The following SLAIN1 variants were observed in gnomAD, a reference collection of about 807,000 sequenced individuals.
SLAIN1 encodes SLAIN motif-containing protein 1.
In SLAIN1, 17 loss-of-function variants were observed where a neutral mutation model predicts 55.4. That is an observed-to-expected ratio of 0.31 (90% CI 0.21 to 0.46). The LOEUF is 0.46. SLAIN1 is among the 20% of genes least tolerant of loss of function. The pLI, the probability that SLAIN1 is intolerant of heterozygous loss-of-function variation, is 1.00. For synonymous variants in SLAIN1, 348 were observed against 337.4 expected, an observed-to-expected ratio of 1.03 and a Z score of -0.35; for missense variants, 682 against 785.1, an observed-to-expected ratio of 0.87 and a Z score of 1.57.
chr13:77,762,848 T>C (rs564534508), intron 6 of SLAIN1, among the ~76,000 whole-genome samples: 4 of 152,246 alleles, frequency 2.6e-5, no homozygotes, highest in Non-Finnish European at 4.4e-5. Flanking sequence ...CAGGATCCTA[T>C]ATTTTTCTTA....
At chr13:77,718,842 G>C (rs1386938537) in intron 1 of SLAIN1, among the ~76,000 whole-genome samples, 2 of 152,072 alleles carry the variant, frequency 1.3e-5, no homozygotes, top group Non-Finnish European at 2.9e-5. Context: ...GCATATTAAT[G>C]AGAGAAGCTT....
chr13:77,718,739 C>G (rs1394413119), intron 1 of SLAIN1, among the ~76,000 whole-genome samples: 2 of 152,016 alleles, frequency 1.3e-5, no homozygotes, highest in African/African-American at 4.8e-5. Context: ...ATTCACCCTC[C>G]CCCCTTTTTT....
Position 77,746,794 on chromosome 13 carries a change from G to A in SLAIN1, c.1197G>A (p.Gln399=), listed in dbSNP as rs1170303033. ...ATTTTCCTTCAAATAATTACCAGCA[G>A]CAACAGTATTATTCACCTCAAGCCC... is the stretch of plus-strand genomic sequence containing the variant. ...SQYFPSNNYQ[Q]QQYYSPQAQT... Residue 399 remains glutamine (Q), a synonymous_variant, in exon 4 of 7, where the codon CAG becomes CAA. Coordinates refer to ENST00000418532, the MANE Select transcript of SLAIN1 (RefSeq NM_001242868.2). 2 of 1,613,794 alleles carry A rather than the reference G, an allele frequency of 1.2e-6. No individual in the cohort carries two copies. Among genetic ancestry groups the A allele is most frequent in the Admixed American group, 1.7e-5 (1 of 59,942 alleles).
chr13:77,713,497 C>T (rs894191563), intron 1 of SLAIN1, among the ~76,000 whole-genome samples: 21 of 152,028 alleles, frequency 1.4e-4, no homozygotes, highest in African/African-American at 4.3e-4. Flanking sequence ...GTTAGAATGG[C>T]GATCATTAAA....
rs1873835361 is a variant in SLAIN1, at chr13:77,746,661, C to T, written c.1064C>T (p.Pro355Leu). ...GATGAAGAGGAATTTGATCATTTGC[C>T]ACCACCTCAGCCTCGTCTTCCAAGA... ...LEDEEEFDHL[P>L]PPQPRLPRCS... The change falls in exon 4 of 7, where the codon CCA (proline) becomes CTA (leucine). Residue 355 changes from proline to leucine, a missense_variant. Transcript: ENST00000418532. 2 of 1,613,734 alleles carry T rather than the reference C, an allele frequency of 1.2e-6. No individual in the cohort carries two copies. The highest frequency in any genetic ancestry group is 1.7e-6 in the Non-Finnish European group (2 of 1,179,800).
intron 4 of SLAIN1, among the ~76,000 whole-genome samples, chr13:77,752,135 A>G (rs894247505): frequency 7.9e-5 from 12 of 152,164 alleles, no homozygotes; most frequent in African/African-American, 2.7e-4. Flanking sequence ...TGGCGTACTC[A>G]TGAAAGTTAA....
intron 2 of SLAIN1, among the ~76,000 whole-genome samples, chr13:77,742,200 T>G (rs1214158924): frequency 1.3e-5 from 2 of 152,006 alleles, no homozygotes; most frequent in African/African-American, 2.4e-5. Context: ...TGAGATCATC[T>G]GCCCATGGCT....
chr13:77,740,660 C>T (rs534757096), intron 2 of SLAIN1, among the ~76,000 whole-genome samples: 14 of 151,478 alleles, frequency 9.2e-5, no homozygotes, highest in South Asian at 2.1e-4. Context: ...AGAGCTATTT[C>T]GGTCATCACT....
intron 2 of SLAIN1, among the ~76,000 whole-genome samples, chr13:77,728,071 T>C (rs2091324441): frequency 6.6e-6 from 1 of 152,170 alleles, no homozygotes; most frequent in Non-Finnish European, 1.5e-5. Flanking sequence ...TTATTCAACA[T>C]AGAAAATCTA....
At chr13:77,711,753 C>T (rs1374996722) in intron 1 of SLAIN1, among the ~76,000 whole-genome samples, 1 of 152,138 alleles carries the variant, frequency 6.6e-6, no homozygotes, top group African/African-American at 2.4e-5. Context: ...GATACCAAAA[C>T]CTGGCAGAGA....
At chr13:77,756,811 C>T (rs961559232) in intron 5 of SLAIN1, among the ~76,000 whole-genome samples, 17 of 152,020 alleles carry the variant, frequency 1.1e-4, no homozygotes, top group Non-Finnish European at 2.2e-4. Context: ...TAAGTCTATT[C>T]CTAGGAAGCT....
chr13:77,756,763 C>T (rs894784029), intron 5 of SLAIN1, among the ~76,000 whole-genome samples: 4 of 152,022 alleles, frequency 2.6e-5, no homozygotes, highest in Non-Finnish European at 5.9e-5. Context: ...GACAAAGTGT[C>T]GAGTGAAAGA....
intron 5 of SLAIN1, among the ~76,000 whole-genome samples, chr13:77,758,600 G>A (rs376725210): frequency 2.0e-5 from 3 of 152,188 alleles, no homozygotes; most frequent in Non-Finnish European, 4.4e-5. Flanking sequence ...GTTGATTTTT[G>A]TATAAGGTGA....
chr13:77,750,156 T>C (rs551054334), intron 4 of SLAIN1, among the ~76,000 whole-genome samples: 181 of 152,316 alleles, frequency 1.2e-3, no homozygotes, highest in Admixed American at 2.4e-3. Context: ...AGTTTTATCT[T>C]GTTTAGCAAA....
intron 2 of SLAIN1, among the ~76,000 whole-genome samples, chr13:77,731,699 C>G (rs1485628184): frequency 6.6e-6 from 1 of 152,016 alleles, no homozygotes; most frequent in Non-Finnish European, 1.5e-5. Flanking sequence ...CTATCCCAAT[C>G]ACAGCTATAA....
intron 2 of SLAIN1, chr13:77,741,054 A>G (rs1157435715): frequency 8.5e-6 from 5 of 591,706 alleles, no homozygotes; most frequent in African/African-American, 2.0e-5. Flanking sequence ...AACTGTGTCA[A>G]TTGTGCAGGG....
rs917421647 is a variant in SLAIN1 at position 77,725,349 on chromosome 13, TAA to T, written c.766+5680_766+5681del. On this transcript the variant is annotated intron_variant, in intron 2 of 6. Transcript: ENST00000418532. ...CATCTCCCTCTGTATACACAGAAATTAAAGACACTTCACTAAGAAATTCACAG... is the reference window on the plus strand; with the variant it reads ...CATCTCCCTCTGTATACACAGAAATTAGACACTTCACTAAGAAATTCACAG... 4.6e-5 allele frequency among the ~76,000 whole-genome samples: 7 copies of T among 152,320 alleles called. No homozygotes were observed. In the East Asian group the frequency reaches 1.3e-3, roughly 29 times the overall value.
At chr13:77,735,215 C>T (rs1302015489) in intron 2 of SLAIN1, among the ~76,000 whole-genome samples, 1 of 152,040 alleles carries the variant, frequency 6.6e-6, no homozygotes, top group African/African-American at 2.4e-5. Context: ...AACACTGCAA[C>T]ATTTAAGATG....
intron 1 of SLAIN1, among the ~76,000 whole-genome samples, chr13:77,711,524 G>A (rs984327471): frequency 2.0e-5 from 3 of 152,106 alleles, no homozygotes; most frequent in Non-Finnish European, 4.4e-5. Context: ...GACTAAACCA[G>A]GAAGAAGTCG....
Sources: allele counts gnomAD v4.1 joint callset (sites outside exome capture counted in the v4.1 genomes callset), GRCh38; gene constraint gnomAD v4.1.1; transcripts MANE v1.5; gene names NCBI Gene and HGNC (gene_info 2026-07-23, HGNC 2026-07-21).